The following UMAD1 variants were observed in gnomAD, a reference collection of about 807,000 sequenced individuals.
UMAD1 encodes UBAP1-MVB12-associated (UMA)-domain containing protein 1.
Under a neutral mutation model 6.1 loss-of-function variants are expected in UMAD1, and 8 were observed. The ratio of observed to expected loss-of-function variants is 1.30; its 90% CI spans 0.76 to 2.35. The LOEUF is 2.35. Among genes scored for constraint, UMAD1 ranks in the 30% most tolerant of loss-of-function variants. The pLI, the probability that UMAD1 is intolerant of heterozygous loss-of-function variation, is 0.00. For synonymous variants in UMAD1, 56 were observed against 31.4 expected (o/e 1.78, Z -2.61); for missense variants, 130 against 78.4 (o/e 1.66, Z -2.49).
chr7:7,734,166 A>G (rs1345763675), intron 2 of UMAD1, among the ~76,000 whole-genome samples: 5 of 151,880 alleles, frequency 3.3e-5, no homozygotes, highest in Non-Finnish European at 7.4e-5. Flanking sequence ...TCTTTTTGAG[A>G]TATTGTTCCT....
chr7:7,787,734 G>A (rs1317650996), intron 2 of UMAD1, among the ~76,000 whole-genome samples: 1 of 152,080 alleles, frequency 6.6e-6, no homozygotes, highest in Non-Finnish European at 1.5e-5. Flanking sequence ...TTCTACCCTT[G>A]CAAACTTCTG....
intron 2 of UMAD1, among the ~76,000 whole-genome samples, chr7:7,749,411 G>A (rs1347094045): frequency 1.3e-5 from 2 of 152,128 alleles, no homozygotes; most frequent in Admixed American, 1.3e-4. Context: ...GGTTTGAACT[G>A]TTTCTGCCTA....
chr7:7,784,549 GTT>G (rs1782421714), intron 2 of UMAD1, among the ~76,000 whole-genome samples: 1 of 149,590 alleles, frequency 6.7e-6, no homozygotes, highest in Non-Finnish European at 1.5e-5. Flanking sequence ...GTTTCACTGT[GTT>G]AGCCAGGATG....
chr7:7,689,486 A>T (rs535073604), intron 2 of UMAD1: 1 of 152,174 alleles, frequency 6.6e-6, no homozygotes, highest in African/African-American at 2.4e-5. Context: ...CCCGCATTAA[A>T]GTTTAAGCCA....
intron 2 of UMAD1, among the ~76,000 whole-genome samples, chr7:7,722,947 C>T (rs904765580): frequency 1.3e-5 from 2 of 152,196 alleles, no homozygotes; most frequent in African/African-American, 4.8e-5. Flanking sequence ...CCAGTATTGG[C>T]AACATTCCCT....
At chr7:7,670,602 C>G (rs549833102) in intron 1 of UMAD1, among the ~76,000 whole-genome samples, 9 of 152,262 alleles carry the variant, frequency 5.9e-5, no homozygotes, top group South Asian at 2.1e-4. Context: ...TCTCATTGCC[C>G]CATTCAGATA....
intron 2 of UMAD1, among the ~76,000 whole-genome samples, chr7:7,693,892 AT>A (rs1274466817): frequency 6.6e-6 from 1 of 152,068 alleles, no homozygotes. Context: ...ATAAAGTTAT[AT>A]TTCATATTAT....
At chr7:7,691,367 A>G (rs544938144) in intron 2 of UMAD1, among the ~76,000 whole-genome samples, 55 of 152,344 alleles carry the variant, frequency 3.6e-4, no homozygotes, top group African/African-American at 1.3e-3. Flanking sequence ...TTCAATTAAA[A>G]TAAACCAAAC....
At chr7:7,737,554 A>T (rs1323878426) in intron 2 of UMAD1, among the ~76,000 whole-genome samples, 1 of 152,224 alleles carries the variant, frequency 6.6e-6, no homozygotes, top group Non-Finnish European at 1.5e-5. Context: ...TGAATGAAGA[A>T]CTTAACCACT....
At chr7:7,842,822 G>A (rs1332069512) in intron 3 of UMAD1, among the ~76,000 whole-genome samples, 1 of 152,112 alleles carries the variant, frequency 6.6e-6, no homozygotes, top group Admixed American at 6.6e-5. Context: ...CCTGTGATAT[G>A]CCAGCCATGG....
At chr7:7,791,481 T>G (rs1482427881) in intron 2 of UMAD1, among the ~76,000 whole-genome samples, 1 of 152,228 alleles carries the variant, frequency 6.6e-6, no homozygotes, top group Non-Finnish European at 1.5e-5. Context: ...TACAGCATAA[T>G]ACAGTATTGT....
At chr7:7,825,880 A>T (rs574641347) in intron 3 of UMAD1, among the ~76,000 whole-genome samples, 93 of 152,232 alleles carry the variant, frequency 6.1e-4, no homozygotes, top group African/African-American at 2.2e-3. Context: ...CTAAAATCTG[A>T]GGGTGCTCAA....
intron 2 of UMAD1, among the ~76,000 whole-genome samples, chr7:7,771,548 A>G (rs1782101754): frequency 6.6e-6 from 1 of 152,294 alleles, no homozygotes; most frequent in African/African-American, 2.4e-5. Context: ...CACAGATCTG[A>G]ACATTTTCTT....
intron 3 of UMAD1, among the ~76,000 whole-genome samples, chr7:7,823,889 C>A (rs1445918053): frequency 6.6e-6 from 1 of 152,118 alleles, no homozygotes; most frequent in Non-Finnish European, 1.5e-5. Context: ...CTCCTTCTCA[C>A]ATCTCTTTAT....
intron 3 of UMAD1, among the ~76,000 whole-genome samples, chr7:7,829,084 C>T (rs1783407404): frequency 6.6e-6 from 1 of 152,178 alleles, no homozygotes; most frequent in Admixed American, 6.6e-5. Flanking sequence ...AGCTCCCAAA[C>T]ATTTTCTTGT....
At chr7:7,795,093 A>G (rs1346913231) in intron 2 of UMAD1, among the ~76,000 whole-genome samples, 2 of 152,236 alleles carry the variant, frequency 1.3e-5, no homozygotes, top group East Asian at 1.9e-4. Flanking sequence ...GGCTGAACCA[A>G]TATATACCTT....
At chr7:7,856,395 AG>A (rs2115328584) in intron 3 of UMAD1, among the ~76,000 whole-genome samples, 1 of 152,356 alleles carries the variant, frequency 6.6e-6, no homozygotes, top group Non-Finnish European at 1.5e-5. Context: ...GAGTGCCAGC[AG>A]GGGAAATGCC....
intron 2 of UMAD1, among the ~76,000 whole-genome samples, chr7:7,746,106 T>C (rs1222729727): frequency 6.6e-6 from 1 of 152,200 alleles, no homozygotes; most frequent in East Asian, 1.9e-4. Flanking sequence ...TGCGTCTTGA[T>C]TAATATTCTC....
At chr7:7,682,950 T>C (rs1448240850) in intron 2 of UMAD1, among the ~76,000 whole-genome samples, 1 of 152,224 alleles carries the variant, frequency 6.6e-6, no homozygotes, top group African/African-American at 2.4e-5. Flanking sequence ...CTGATTCTGG[T>C]TTACCTGTTA....
Sources: gnomAD v4.1 joint callset for allele counts (sites outside exome capture counted in the v4.1 genomes callset) on GRCh38, gnomAD v4.1.1 for gene constraint, MANE v1.5 for transcripts, NCBI Gene and HGNC (gene_info 2026-07-23, HGNC 2026-07-21) for gene names.